DAB1: variants seen among roughly 807,000 people sequenced by gnomAD.
The protein encoded by DAB1 is DAB adaptor protein 1.
DAB1 carries 15 observed loss-of-function variants against 64.6 expected under a neutral mutation model. The observed-to-expected ratio is 0.23, with a 90% CI of 0.16 to 0.36. The LOEUF (loss-of-function observed/expected upper bound fraction) is 0.36. DAB1 is among the 10% of genes least tolerant of loss of function. The pLI is 1.00. For missense variants in DAB1, 596 were observed against 706.7 expected (o/e 0.84, Z 1.78); for synonymous variants, 235 against 251.9 (o/e 0.93, Z 0.64).
At chr1:57,934,063 T>TTTTGTGTGTGTGTG (rs559271438) in intron 5 of DAB1, among the ~76,000 whole-genome samples, 4 of 128,052 alleles carry the variant, frequency 3.1e-5, no homozygotes, top group Non-Finnish European at 6.6e-5. Flanking sequence ...GCCCAGCTAA[T>TTTTGTGTGTGTGTG]TGTGTGTGTG....
chr1:58,195,389 G>A (rs1657619498), intron 4 of DAB1, among the ~76,000 whole-genome samples: 1 of 152,060 alleles, frequency 6.6e-6, no homozygotes, highest in Admixed American at 6.5e-5. Context: ...TACAATGAGT[G>A]CAAAGACATA....
intron 6 of DAB1, among the ~76,000 whole-genome samples, chr1:57,781,313 C>T (rs995240600): frequency 6.6e-6 from 1 of 151,550 alleles, no homozygotes; most frequent in Non-Finnish European, 1.5e-5. Flanking sequence ...ATTTAGGCTA[C>T]TTTCACTTAA....
intron 2 of DAB1, among the ~76,000 whole-genome samples, chr1:57,183,997 C>G (rs1480616564): frequency 1.3e-5 from 2 of 152,008 alleles, no homozygotes; most frequent in African/African-American, 4.8e-5. Context: ...AATAACAGAT[C>G]AATTTTTCTA....
intron 7 of DAB1, among the ~76,000 whole-genome samples, chr1:57,070,103 T>C (rs1651308255): frequency 6.6e-6 from 1 of 152,242 alleles, no homozygotes; most frequent in South Asian, 2.1e-4. Context: ...GGCTTTTGTT[T>C]GCCGTATACA....
rs549059544 is a variant in DAB1 at position 57,153,438 on chromosome 1, G to A, written c.68-8009C>T. Among the ~76,000 whole-genome samples the A allele has an allele frequency of 7.2e-5, 11 of 152,166 alleles. No homozygotes were observed. The East Asian group carries it at 1.2e-3, about 16-fold the overall frequency. ...ACCAGCAGATTATCTTGCATAACCCGGGGAGTACCTGTATCTCACAATGAT... is the reference window on the plus strand; with the variant it reads ...ACCAGCAGATTATCTTGCATAACCCAGGGAGTACCTGTATCTCACAATGAT... On this transcript the variant is annotated intron_variant, in intron 2 of 14. Coordinates refer to ENST00000371236, the MANE Select transcript of DAB1 (RefSeq NM_001365792.1).
At chr1:58,108,822 G>T (rs1651810367) in intron 5 of DAB1, among the ~76,000 whole-genome samples, 1 of 152,190 alleles carries the variant, frequency 6.6e-6, no homozygotes, top group South Asian at 2.1e-4. Context: ...CCAGTGACAA[G>T]TACACGTAAA....
At chr1:58,192,116 C>T (rs1657419407) in intron 4 of DAB1, among the ~76,000 whole-genome samples, 1 of 152,086 alleles carries the variant, frequency 6.6e-6, no homozygotes, top group East Asian at 1.9e-4. Flanking sequence ...TGTTCCGACT[C>T]CTAAGAATCA....
intron 4 of DAB1, among the ~76,000 whole-genome samples, chr1:58,179,412 A>G (rs1004081956): frequency 1.3e-5 from 2 of 151,896 alleles, no homozygotes; most frequent in African/African-American, 2.4e-5. Context: ...ACGGATTGGC[A>G]TTAATTCTTT....
chr1:57,152,833 C>A (rs1175078177), intron 2 of DAB1, among the ~76,000 whole-genome samples: 1 of 152,072 alleles, frequency 6.6e-6, no homozygotes, highest in Non-Finnish European at 1.5e-5. Context: ...TATGTTAAAT[C>A]TAGGAACAGA....
chr1:57,124,319 A>G (rs1475328056), intron 4 of DAB1, among the ~76,000 whole-genome samples: 2 of 152,204 alleles, frequency 1.3e-5, no homozygotes, highest in Non-Finnish European at 2.9e-5. Flanking sequence ...AATATGAAAG[A>G]GTATGCGTGT....
chr1:57,152,602 T>C (rs1659799330), intron 2 of DAB1, among the ~76,000 whole-genome samples: 1 of 152,246 alleles, frequency 6.6e-6, no homozygotes, highest in South Asian at 2.1e-4. Context: ...CTATGTGATG[T>C]CACTTGCCCT....
At chr1:57,175,624 A>G (rs191449314) in intron 2 of DAB1, among the ~76,000 whole-genome samples, 2 of 152,200 alleles carry the variant, frequency 1.3e-5, no homozygotes, top group South Asian at 2.1e-4. Flanking sequence ...AACCATTTAC[A>G]TGGCGTATCT....
At chr1:58,305,124 A>G (rs1364412364) in intron 4 of DAB1, among the ~76,000 whole-genome samples, 1 of 152,098 alleles carries the variant, frequency 6.6e-6, no homozygotes, top group East Asian at 1.9e-4. Context: ...GGCTATTCAC[A>G]GGTGCAATTA....
At chr1:58,489,713 T>G (rs1401254769) in intron 3 of DAB1, among the ~76,000 whole-genome samples, 2 of 152,086 alleles carry the variant, frequency 1.3e-5, no homozygotes, top group Non-Finnish European at 2.9e-5. Context: ...GACTGACACC[T>G]CACAGGGCCG....
chr1:57,532,663 C>A (rs906426306), intron 7 of DAB1, among the ~76,000 whole-genome samples: 1 of 152,156 alleles, frequency 6.6e-6, no homozygotes, highest in Non-Finnish European at 1.5e-5. Flanking sequence ...GTAAGCATAG[C>A]AGAGTGAGAG....
chr1:57,770,550 G>A (rs1489089095), intron 6 of DAB1, among the ~76,000 whole-genome samples: 2 of 151,988 alleles, frequency 1.3e-5, no homozygotes, highest in South Asian at 2.1e-4. Context: ...CTTCATGCCT[G>A]CCCAAAAAAA....
chr1:58,220,770 A>G (rs986665113), intron 4 of DAB1, among the ~76,000 whole-genome samples: 3 of 152,108 alleles, frequency 2.0e-5, no homozygotes, highest in African/African-American at 7.2e-5. Context: ...AAAATAAGAC[A>G]TAAGAAGCAG....
intron 7 of DAB1, among the ~76,000 whole-genome samples, chr1:57,613,811 C>A (rs549218942): frequency 1.3e-5 from 2 of 152,102 alleles, no homozygotes; most frequent in South Asian, 4.1e-4. Context: ...AAAGGCACAA[C>A]GGCCTTGGAG....
At chr1:57,360,558 T>C (rs911297570) in intron 1 of DAB1, among the ~76,000 whole-genome samples, 1 of 152,138 alleles carries the variant, frequency 6.6e-6, no homozygotes, top group African/African-American at 2.4e-5. Context: ...CTGCCTTCAT[T>C]TGGAAACATG....
Sources: gnomAD v4.1 joint callset for allele counts (sites outside exome capture counted in the v4.1 genomes callset) on GRCh38, gnomAD v4.1.1 for gene constraint, MANE v1.5 for transcripts, NCBI Gene and HGNC (gene_info 2026-07-23, HGNC 2026-07-21) for gene names.